HAO1: variants seen among roughly 807,000 people sequenced by gnomAD.
HAO1 encodes hydroxyacid oxidase 1.
Under a neutral mutation model 39.7 loss-of-function variants are expected in HAO1, and 34 were observed. That is an observed-to-expected ratio of 0.86 (90% CI 0.65 to 1.14). HAO1 has a LOEUF of 1.14. HAO1 is among the 50% of genes most tolerant of loss of function. HAO1 has a pLI of 0.00. For missense variants in HAO1, 479 were observed against 464.5 expected, an observed-to-expected ratio of 1.03 and a Z score of -0.29; for synonymous variants, 172 against 173.2, an observed-to-expected ratio of 0.99 and a Z score of 0.05.
At chr20:7,939,506 C>T (rs1600125127) in intron 1 of HAO1, among the ~76,000 whole-genome samples, 1 of 152,138 alleles carries the variant, frequency 6.6e-6, no homozygotes, top group Non-Finnish European at 1.5e-5. Context: ...ACCCACAATA[C>T]CGATTGCCTT....
chr20:7,891,390 T>C (rs2050173576), intron 5 of HAO1, among the ~76,000 whole-genome samples: 2 of 152,184 alleles, frequency 1.3e-5, no homozygotes, highest in South Asian at 2.1e-4. Context: ...TTTGATCAGA[T>C]TGTTTGTTTT....
At chr20:7,905,046 A>G (rs1030620934) in intron 4 of HAO1, among the ~76,000 whole-genome samples, 1 of 152,226 alleles carries the variant, frequency 6.6e-6, no homozygotes, top group African/African-American at 2.4e-5. Context: ...GTAGAAGTAC[A>G]GAATAATGTT....
At chr20:7,890,209 T>C (rs905545257) in intron 5 of HAO1, among the ~76,000 whole-genome samples, 1 of 151,986 alleles carries the variant, frequency 6.6e-6, no homozygotes, top group Non-Finnish European at 1.5e-5. Flanking sequence ...TGGTTTGTTT[T>C]TTTTTGTTTT....
chr20:7,894,938 T>A (rs557295664), intron 5 of HAO1, among the ~76,000 whole-genome samples, 195 bp downstream of exon 5: 2 of 152,312 alleles, frequency 1.3e-5, no homozygotes, highest in Non-Finnish European at 2.9e-5. Context: ...ACTGGGCTAA[T>A]TAAACATAAA....
intron 3 of HAO1, among the ~76,000 whole-genome samples, chr20:7,913,173 T>TG (rs929142765): frequency 4.0e-5 from 6 of 150,874 alleles, no homozygotes; most frequent in African/African-American, 1.2e-4. Context: ...GTTTTTTGTT[T>TG]TTTTTTTTTT....
rs2050400396 is a variant in HAO1 at position 7,934,470 on chromosome 20, A to C, written c.289+14T>G. ...AGCCTCCTTCTGTCCCTGTGGTGACAATCTTCCTCCTACCTCTCACAGTGG... is the reference window on the plus strand; with the variant it reads ...AGCCTCCTTCTGTCCCTGTGGTGACCATCTTCCTCCTACCTCTCACAGTGG... On this transcript the variant is annotated intron_variant, in intron 2 of 7. Transcript: ENST00000378789. The C allele has an allele frequency of 3.7e-6, 6 of 1,601,662 alleles. No homozygotes were observed. Among genetic ancestry groups the C allele is most frequent in the Non-Finnish European group, 4.3e-6 (5 of 1,175,076 alleles).
chr20:7,940,386 G>A lies in HAO1; in HGVS notation c.37C>T (p.Gln13Ter). 3 of 1,610,446 alleles carry A rather than the reference G, an allele frequency of 1.9e-6. No homozygotes were observed. Among genetic ancestry groups the A allele is most frequent in the Admixed American group, 1.7e-5 (1 of 59,638 alleles). ...TTTGGAAGTACTGATTTAGCATGTTGTTCATAATCATTGATACAAATTAGC... is the reference window on the plus strand; with the variant it reads ...TTTGGAAGTACTGATTTAGCATGTTATTCATAATCATTGATACAAATTAGC... Reference protein sequence around the residue: ...PRLICINDYEQHAKSVLPKSI... With the variant: ...PRLICINDYE The change falls in exon 1 of 8, where the codon CAA becomes TAA. Residue 13 changes from glutamine (Q) to a stop codon, truncating the protein, a stop_gained. Coordinates refer to ENST00000378789, the MANE Select transcript of HAO1 (RefSeq NM_017545.3). LOFTEE classifies it high-confidence loss of function.
intron 2 of HAO1, among the ~76,000 whole-genome samples, chr20:7,915,683 T>C (rs2050303609): frequency 6.6e-6 from 1 of 152,206 alleles, no homozygotes; most frequent in Non-Finnish European, 1.5e-5. Flanking sequence ...ATCCTATTAA[T>C]TCTGTTTCTC....
At chr20:7,929,559 C>T (rs998229171) in intron 2 of HAO1, among the ~76,000 whole-genome samples, 2 of 152,048 alleles carry the variant, frequency 1.3e-5, no homozygotes, top group Non-Finnish European at 2.9e-5. Flanking sequence ...TACAAACATG[C>T]AGCAGTGTAA....
At chr20:7,938,098 A>G (rs1400518256) in intron 1 of HAO1, among the ~76,000 whole-genome samples, 3 of 152,194 alleles carry the variant, frequency 2.0e-5, no homozygotes, top group East Asian at 3.8e-4. Flanking sequence ...TTGTATCACA[A>G]TGGGTTATCT....
In HAO1 at chr20:7,896,460, T is replaced by C. The variant is rs141200030; in HGVS notation, c.722-1236A>G. 3.2e-4 allele frequency among the ~76,000 whole-genome samples: 48 copies of C among 152,326 alleles called. No individual in the cohort carries two copies. In the East Asian group the frequency reaches 6.4e-3, roughly 20 times the overall value. On this transcript the variant is annotated intron_variant, in intron 4 of 7. Coordinates refer to ENST00000378789, the MANE Select transcript of HAO1 (RefSeq NM_017545.3). ...ATTTTAAAAGACAAGATAATTATTTTATAAATTATATGCTATCATTTTCCA... is the reference window on the plus strand; with the variant it reads ...ATTTTAAAAGACAAGATAATTATTTCATAAATTATATGCTATCATTTTCCA...
intron 2 of HAO1, among the ~76,000 whole-genome samples, chr20:7,920,431 T>G (rs757684755): frequency 8.5e-5 from 13 of 152,166 alleles, no homozygotes; most frequent in Non-Finnish European, 1.8e-4. Context: ...GGGAGAACAT[T>G]AAATACCTAA....
chr20:7,915,564 C>A (rs187606973), intron 2 of HAO1, among the ~76,000 whole-genome samples: 1 of 152,220 alleles, frequency 6.6e-6, no homozygotes, highest in East Asian at 1.9e-4. Context: ...AAATGTCTAT[C>A]TATGGATAGG....
At chr20:7,905,287 A>G (rs1397172118) in intron 4 of HAO1, among the ~76,000 whole-genome samples, 1 of 151,914 alleles carries the variant, frequency 6.6e-6, no homozygotes, top group Non-Finnish European at 1.5e-5. Flanking sequence ...CTTCACACAT[A>G]AAATTAAATA....
intron 2 of HAO1, among the ~76,000 whole-genome samples, chr20:7,915,857 C>T (rs2122779080): frequency 6.6e-6 from 1 of 152,284 alleles, no homozygotes; most frequent in African/African-American, 2.4e-5. Flanking sequence ...AAACAAACTA[C>T]ATGCTAATGA....
intron 7 of HAO1, among the ~76,000 whole-genome samples, chr20:7,884,947 G>A (rs1319477687): frequency 5.9e-5 from 9 of 152,186 alleles, no homozygotes; most frequent in Non-Finnish European, 1.0e-4. Context: ...AGACAATGAT[G>A]GCTCCAGCCA....
Position 7,932,278 on chromosome 20 carries a change from G to A in HAO1, c.289+2206C>T, listed in dbSNP as rs550692425. Among the ~76,000 whole-genome samples, 9 of 152,224 alleles carry A rather than the reference G, an allele frequency of 5.9e-5. No homozygotes were observed. In the South Asian group the frequency reaches 1.2e-3, roughly 21 times the overall value. On this transcript the variant is annotated intron_variant, in intron 2 of 7. Coordinates refer to ENST00000378789, the MANE Select transcript of HAO1 (RefSeq NM_017545.3). ...TTTCCTTAATAAATTACCCAGTCTCGAAGAGTATCTTTAAATCAGTGTGAG... is the reference window on the plus strand; with the variant it reads ...TTTCCTTAATAAATTACCCAGTCTCAAAGAGTATCTTTAAATCAGTGTGAG...
chr20:7,885,201 T>C (rs1042432166), intron 7 of HAO1, among the ~76,000 whole-genome samples: 7 of 152,130 alleles, frequency 4.6e-5, no homozygotes, highest in African/African-American at 1.4e-4. Flanking sequence ...CACTTAGATG[T>C]CCAAAGGGAG....
chr20:7,933,557 G>T (rs966353834), intron 2 of HAO1, among the ~76,000 whole-genome samples: 11 of 152,112 alleles, frequency 7.2e-5, no homozygotes, highest in Non-Finnish European at 1.5e-4. Flanking sequence ...AGTCTGTCCA[G>T]CAAAACCTCA....
Sources: allele counts gnomAD v4.1 joint callset (sites outside exome capture counted in the v4.1 genomes callset), GRCh38; gene constraint gnomAD v4.1.1; transcripts MANE v1.5; gene names NCBI Gene and HGNC (gene_info 2026-07-23, HGNC 2026-07-21).